Variants in FAM222B observed in about 807,000 individuals in gnomAD.
FAM222B encodes protein FAM222B.
A neutral mutation model predicts 38.0 loss-of-function variants in FAM222B; 12 were observed. The ratio of observed to expected loss-of-function variants is 0.32; its 90% CI spans 0.20 to 0.51. The LOEUF (loss-of-function observed/expected upper bound fraction) is 0.51, where lower values mean the gene tolerates loss of function less well. Ranked by LOEUF, FAM222B falls within the 20% of genes least tolerant of loss-of-function variation. FAM222B has a pLI of 0.97. For synonymous variants in FAM222B, 329 were observed against 317.2 expected, an observed-to-expected ratio of 1.04 and a Z score of -0.40; for missense variants, 716 against 754.2, an observed-to-expected ratio of 0.95 and a Z score of 0.59.
intron 2 of FAM222B, chr17:28,761,998 A>C (rs774644054): frequency 2.0e-5 from 3 of 152,246 alleles, no homozygotes; most frequent in South Asian, 2.1e-4. Flanking sequence ...TGATGAGTAG[A>C]AGAGTCCCTT....
chr17:28,781,466 A>G (rs914077868), intron 1 of FAM222B, among the ~76,000 whole-genome samples: 1 of 152,124 alleles, frequency 6.6e-6, no homozygotes, highest in African/African-American at 2.4e-5. Context: ...ATTAGGAAAA[A>G]CAGTATGGAG....
At chr17:28,800,094 C>T (rs1245170758) in intron 1 of FAM222B, among the ~76,000 whole-genome samples, 2 of 151,756 alleles carry the variant, frequency 1.3e-5, no homozygotes, top group African/African-American at 2.4e-5. Flanking sequence ...TGCCATGGCA[C>T]GATCTCGGCT....
At chr17:28,801,732 G>A (rs1290686443) in intron 1 of FAM222B, among the ~76,000 whole-genome samples, 1 of 152,058 alleles carries the variant, frequency 6.6e-6, no homozygotes, top group African/African-American at 2.4e-5. Context: ...TTTAGGATGA[G>A]CTGTCTTCAA....
upstream of FAM222B, among the ~76,000 whole-genome samples, chr17:28,847,259 G>A (rs2039151435): frequency 1.3e-5 from 2 of 151,512 alleles, no homozygotes; most frequent in South Asian, 4.2e-4. Context: ...TAAAACTTCC[G>A]TGACCCCAAG....
chr17:28,769,173 T>G (rs2035489198), intron 1 of FAM222B, among the ~76,000 whole-genome samples: 1 of 122,150 alleles, frequency 8.2e-6, no homozygotes, highest in South Asian at 3.3e-4. Flanking sequence ...CAATGTTAGT[T>G]CTTTTTTTTT....
At chr17:28,835,330 T>G (rs1228021069) in intron 1 of FAM222B, among the ~76,000 whole-genome samples, 1 of 151,980 alleles carries the variant, frequency 6.6e-6, no homozygotes, top group East Asian at 1.9e-4. Flanking sequence ...CCACTGCATC[T>G]GGCCAACAGT....
intron 1 of FAM222B, among the ~76,000 whole-genome samples, chr17:28,811,919 C>T (rs1021969494): frequency 6.6e-6 from 1 of 151,998 alleles, no homozygotes; most frequent in African/African-American, 2.4e-5. Flanking sequence ...TTTTAAATTA[C>T]GGTTTACTGC....
chr17:28,817,316 G>C (rs2038060262), intron 1 of FAM222B, among the ~76,000 whole-genome samples: 1 of 151,782 alleles, frequency 6.6e-6, no homozygotes, highest in South Asian at 2.1e-4. Flanking sequence ...AGGAGGATGA[G>C]ATAGGAGAAT....
intron 1 of FAM222B, among the ~76,000 whole-genome samples, chr17:28,819,303 G>A (rs1211755493): frequency 6.6e-6 from 1 of 152,012 alleles, no homozygotes; most frequent in African/African-American, 2.4e-5. Flanking sequence ...AATATACAAA[G>A]AACTCTTATA....
chr17:28,825,530 C>T (rs770055017), intron 1 of FAM222B, among the ~76,000 whole-genome samples: 2 of 151,760 alleles, frequency 1.3e-5, no homozygotes, highest in East Asian at 3.9e-4. Context: ...TTTGTCATCT[C>T]GTCATTCTCT....
intron 1 of FAM222B, among the ~76,000 whole-genome samples, chr17:28,795,199 C>A (rs1389737084): frequency 6.6e-6 from 1 of 152,164 alleles, no homozygotes; most frequent in Non-Finnish European, 1.5e-5. Context: ...GTTACCTACC[C>A]TGGAGTACAG....
chr17:28,848,000 C>A (rs113062370), intron 1 of FAM222B, among the ~76,000 whole-genome samples: 4 of 152,112 alleles, frequency 2.6e-5, no homozygotes, highest in African/African-American at 9.6e-5. Flanking sequence ...GGAGCCTGCG[C>A]ATGTTGGCTC....
intron 1 of FAM222B, among the ~76,000 whole-genome samples, chr17:28,771,616 G>A (rs1416261920): frequency 2.0e-5 from 3 of 152,148 alleles, no homozygotes; most frequent in South Asian, 4.1e-4. Flanking sequence ...GGGAGGCAGA[G>A]GTTGTCGTGA....
intron 1 of FAM222B, among the ~76,000 whole-genome samples, chr17:28,779,213 G>C (rs1204447984): frequency 3.3e-5 from 5 of 151,992 alleles, no homozygotes; most frequent in African/African-American, 1.2e-4. Flanking sequence ...TGATACCAAA[G>C]CGAGACAAGG....
At chr17:28,768,855 A>G (rs1045372329) in intron 1 of FAM222B, among the ~76,000 whole-genome samples, 1 of 151,426 alleles carries the variant, frequency 6.6e-6, no homozygotes, top group Admixed American at 6.6e-5. Flanking sequence ...AAAAAAAAAA[A>G]AAAAAGAGAG....
At chr17:28,806,815 A>G (rs2037516609) in intron 1 of FAM222B, among the ~76,000 whole-genome samples, 2 of 152,146 alleles carry the variant, frequency 1.3e-5, no homozygotes, top group African/African-American at 2.4e-5. Context: ...TTCTTGGAGA[A>G]AATAATAAGC....
At chr17:28,796,104 G>GA (rs1450675596) in intron 1 of FAM222B, among the ~76,000 whole-genome samples, 2 of 152,176 alleles carry the variant, frequency 1.3e-5, no homozygotes, top group Non-Finnish European at 2.9e-5. Flanking sequence ...TGTGAAATGT[G>GA]TCATACCGGT....
chr17:28,776,530 C>T (rs1271025152), intron 1 of FAM222B, among the ~76,000 whole-genome samples: 1 of 145,082 alleles, frequency 6.9e-6, no homozygotes, highest in African/African-American at 2.6e-5. Flanking sequence ...AAACACGGCT[C>T]ACTGTAGTCT....
At chr17:28,802,434 A>G (rs1227964822) in intron 1 of FAM222B, 1 of 152,466 alleles carries the variant, frequency 6.6e-6, no homozygotes, top group African/African-American at 2.4e-5. Flanking sequence ...CTGCTTTCCA[A>G]TTTGGGCCTA....
Sources: gnomAD v4.1 joint callset for allele counts (sites outside exome capture counted in the v4.1 genomes callset) on GRCh38, gnomAD v4.1.1 for gene constraint, MANE v1.5 for transcripts, NCBI Gene and HGNC (gene_info 2026-07-23, HGNC 2026-07-21) for gene names.